Variants in RB1 observed in about 807,000 individuals in gnomAD.
The protein encoded by RB1 is retinoblastoma-associated protein.
RB1 carries 18 observed loss-of-function variants against 135.4 expected under a neutral mutation model. The ratio of observed to expected loss-of-function variants is 0.13; its 90% CI spans 0.09 to 0.20. The LOEUF is 0.20. Ranked by LOEUF, RB1 falls within the 10% of genes least tolerant of loss-of-function variation. RB1 has a pLI of 1.00. For synonymous variants in RB1, 365 were observed against 373.2 expected (o/e 0.98, Z 0.25); for missense variants, 868 against 1,110.0 (o/e 0.78, Z 3.10).
intron 17 of RB1, among the ~76,000 whole-genome samples, chr13:48,443,596 G>A (rs1302622043): frequency 6.6e-6 from 1 of 152,144 alleles, no homozygotes; most frequent in Non-Finnish European, 1.5e-5. Context: ...TCATTCTTGT[G>A]TAAGGAAACC....
chr13:48,359,360 G>T (rs1311450923), intron 6 of RB1, among the ~76,000 whole-genome samples: 14 of 150,832 alleles, frequency 9.3e-5, no homozygotes, highest in Non-Finnish European at 1.5e-4. Context: ...TTTGGTTATT[G>T]TAAGATTTTA....
At chr13:48,339,046 A>G (rs939383294) in intron 2 of RB1, among the ~76,000 whole-genome samples, 2 of 152,084 alleles carry the variant, frequency 1.3e-5, no homozygotes, top group African/African-American at 2.4e-5. Flanking sequence ...TTCGTCTCAG[A>G]GGGGTACTCA....
Position 48,373,511 on chromosome 13 carries a change from A to T in RB1, c.1215+19A>T. On this transcript the variant is annotated intron_variant, in intron 12 of 26. Transcript: ENST00000267163. ...TTTTAACGTAAGCCATATATGAAACATTATTTATTGTAATATCTTGGCAAA... is the reference window on the plus strand; with the variant it reads ...TTTTAACGTAAGCCATATATGAAACTTTATTTATTGTAATATCTTGGCAAA... 1 of 1,449,708 alleles carries T rather than the reference A, an allele frequency of 6.9e-7. No individual in the cohort carries two copies. The highest frequency in any genetic ancestry group is 1.8e-4 in the Middle Eastern group (1 of 5,648). The allele number at this position is 1,449,708 out of a possible 1,614,324, so 89.8% of individuals were successfully genotyped here.
Position 48,303,902 on chromosome 13 carries a change from G to T in RB1, c.-11G>T. On this transcript the variant is annotated 5_prime_UTR_variant, in exon 1 of 27. Coordinates refer to ENST00000267163, the MANE Select transcript of RB1 (RefSeq NM_000321.3). ...TCCACAGCTCGCTGGCTCCCGCCGC[G>T]GAAAGGCGTCATGCCGCCCAAAACC... The T allele has an allele frequency of 6.6e-7, 1 of 1,515,296 alleles. No individual in the cohort carries two copies. The highest frequency in any genetic ancestry group is 8.8e-7 in the Non-Finnish European group (1 of 1,138,938). The allele number at this position is 1,515,296 out of a possible 1,614,324, so 93.9% of individuals were successfully genotyped here. A position where few individuals can be genotyped will look rare whatever the true frequency, so the allele number is the denominator to read the frequency against.
At chr13:48,326,634 G>A (rs1952290022) in intron 2 of RB1, among the ~76,000 whole-genome samples, 1 of 151,816 alleles carries the variant, frequency 6.6e-6, no homozygotes, top group Non-Finnish European at 1.5e-5. Flanking sequence ...GTTTTACCTG[G>A]GGCTTATTCT....
At chr13:48,463,470 G>T (rs1206921000) in intron 20 of RB1, among the ~76,000 whole-genome samples, 1 of 152,140 alleles carries the variant, frequency 6.6e-6, no homozygotes, top group Non-Finnish European at 1.5e-5. Flanking sequence ...ACATTTAAGG[G>T]ACAAGAGCCA....
intron 17 of RB1, among the ~76,000 whole-genome samples, chr13:48,417,694 A>T (rs1204187865): frequency 6.6e-6 from 1 of 152,020 alleles, no homozygotes; most frequent in Admixed American, 6.6e-5. Context: ...AACATAAATG[A>T]CCTGATGGAG....
intron 4 of RB1, among the ~76,000 whole-genome samples, chr13:48,346,099 CT>C (rs35882805): frequency 3.2e-3 from 369 of 117,104 alleles, no homozygotes; most frequent in African/African-American, 0.011. Context: ...CATTGGCCAT[CT>C]TTTTTTTTTT....
chr13:48,397,775 T>TA, intron 17 of RB1, among the ~76,000 whole-genome samples: 1 of 152,202 alleles, frequency 6.6e-6, no homozygotes. Context: ...TTGACAAACT[T>TA]ATAAACAAAA....
intron 17 of RB1, among the ~76,000 whole-genome samples, chr13:48,450,092 ATATT>A (rs1949316992): frequency 8.8e-6 from 1 of 113,542 alleles, no homozygotes; most frequent in Non-Finnish European, 1.7e-5. Context: ...TGATATATAT[ATATT>A]TTTTTTTTTT....
At chr13:48,422,360 C>T (rs937339853) in intron 17 of RB1, among the ~76,000 whole-genome samples, 1 of 152,014 alleles carries the variant, frequency 6.6e-6, no homozygotes, top group Admixed American at 6.6e-5. Context: ...CACATCGGGG[C>T]CTGTCGGGGT....
rs548233495 is a variant in RB1, at chr13:48,317,260, C to T, written c.264+9854C>T. 12 of 401,958 alleles carry T rather than the reference C, an allele frequency of 3.0e-5. No individual in the cohort carries two copies. In the Admixed American group the frequency reaches 4.0e-4, roughly 14 times the overall value. 24.9% of individuals were successfully genotyped at this position (401,958 alleles called of 1,614,324 possible). ...TTCCAAAATGGAAGAGCTGGGTGGA[C>T]AGCGCGGGGAGAAGCCCACAAGGGG... On this transcript the variant is annotated intron_variant, in intron 2 of 26. Transcript: ENST00000267163.
At chr13:48,318,270 T>C (rs1952203188) in intron 2 of RB1, 4 of 920,712 alleles carry the variant, frequency 4.3e-6, no homozygotes, top group African/African-American at 3.4e-5. Flanking sequence ...GTCTTTCCAG[T>C]CTCTCGGGAG....
intron 6 of RB1, among the ~76,000 whole-genome samples, chr13:48,354,875 A>G (rs1049004035): frequency 6.6e-6 from 1 of 152,124 alleles, no homozygotes; most frequent in African/African-American, 2.4e-5. Context: ...ATGCAGAAGA[A>G]TGAAACTAGA....
At chr13:48,404,660 G>A (rs921044622) in intron 17 of RB1, among the ~76,000 whole-genome samples, 1 of 152,020 alleles carries the variant, frequency 6.6e-6, no homozygotes, top group African/African-American at 2.4e-5. Flanking sequence ...CTGAGTAGCT[G>A]GGATTACAGG....
intron 17 of RB1, among the ~76,000 whole-genome samples, chr13:48,423,511 T>C (rs1949037440): frequency 1.3e-5 from 2 of 152,224 alleles, no homozygotes; most frequent in Admixed American, 1.3e-4. Flanking sequence ...TATGTTTCAA[T>C]AGCATTCTTC....
intron 6 of RB1, among the ~76,000 whole-genome samples, chr13:48,353,052 A>G (rs916867069): frequency 1.3e-5 from 2 of 152,126 alleles, no homozygotes; most frequent in Non-Finnish European, 2.9e-5. Context: ...ATCTTAAAGA[A>G]GTACAAAAAT....
At chr13:48,320,720 A>G (rs2138055573) in intron 2 of RB1, among the ~76,000 whole-genome samples, 1 of 151,808 alleles carries the variant, frequency 6.6e-6, no homozygotes, top group South Asian at 2.1e-4. Context: ...AGTCCCAGCT[A>G]CTCGTGAGGC....
At chr13:48,452,574 T>C (rs1296133661) in intron 17 of RB1, among the ~76,000 whole-genome samples, 1 of 152,094 alleles carries the variant, frequency 6.6e-6, no homozygotes, top group Admixed American at 6.5e-5. Flanking sequence ...TCTCTTTTCT[T>C]TATCTTGATC....
Sources: gnomAD v4.1 joint callset for allele counts (sites outside exome capture counted in the v4.1 genomes callset) on GRCh38, gnomAD v4.1.1 for gene constraint, MANE v1.5 for transcripts, NCBI Gene and HGNC (gene_info 2026-07-23, HGNC 2026-07-21) for gene names.